The following HOXA3 variants were observed in gnomAD, a reference collection of about 807,000 sequenced individuals.
The protein encoded by HOXA3 is homeobox A3, also known as homeobox protein Hox-A3.
In HOXA3, 8 loss-of-function variants were observed where a neutral mutation model predicts 30.3. That is an observed-to-expected ratio of 0.26 (90% CI 0.15 to 0.48). HOXA3 has a LOEUF of 0.48. HOXA3 is among the 20% of genes least tolerant of loss of function. HOXA3 has a pLI of 0.99. For synonymous variants in HOXA3, 323 were observed against 273.1 expected, an observed-to-expected ratio of 1.18 and a Z score of -1.80; for missense variants, 653 against 614.4, an observed-to-expected ratio of 1.06 and a Z score of -0.66.
At chr7:27,147,144 A>G in intron 1 of HOXA3, 1 of 720,730 alleles carries the variant, frequency 1.4e-6, no homozygotes, top group South Asian at 2.0e-5. Context: ...TGATAGCCCC[A>G]TTGGGAACTG....
chr7:27,110,697 G>A lies in HOXA3; in HGVS notation c.-57C>T. 4.4e-6 allele frequency: 7 copies of A among 1,583,650 alleles called. No individual in the cohort carries two copies. The South Asian group carries it at 6.6e-5, about 15-fold the overall frequency. ...TGACAGGGGTTTGACACCCGTGAGGGCGCACATTGGCACGCCCCCGCGGTC... is the reference window on the plus strand; with the variant it reads ...TGACAGGGGTTTGACACCCGTGAGGACGCACATTGGCACGCCCCCGCGGTC... On this transcript the variant is annotated 5_prime_UTR_variant, in exon 5 of 6. Transcript: ENST00000612286.
chr7:27,145,884 C>G, intron 1 of HOXA3: 1 of 1,613,108 alleles, frequency 6.2e-7, no homozygotes, highest in Non-Finnish European at 8.5e-7. Context: ...GTAGGTCTGG[C>G]GGCCTCGGCG....
At position 27,108,428 on chromosome 7, in the gene HOXA3, G is replaced by A. The variant is rs755023869; in HGVS notation, c.819C>T (p.Ala273=). Residue 273 remains alanine (A), a synonymous_variant, in exon 6 of 6, where the codon GCC becomes GCT. Transcript: ENST00000612286. This position sits in a 1 kb window ranked among gnomAD's most constrained non-coding sequence, Gnocchi z 5.0. ...AATGCATAGAGTTCAGATAGCCACCGGCTCCGGGGGGCACGGGGCTGCGAC... is the reference window on the plus strand; with the variant it reads ...AATGCATAGAGTTCAGATAGCCACCAGCTCCGGGGGGCACGGGGCTGCGAC... ...SPSRSPVPPG[A]GGYLNSMHSL... is the part of the protein sequence containing the mutation. 1.2e-5 allele frequency: 20 copies of A among 1,613,434 alleles called. No homozygotes were observed. The highest frequency in any genetic ancestry group is 1.7e-5 in the Non-Finnish European group (20 of 1,179,748).
At chr7:27,145,482 G>C (rs1782724961) in intron 1 of HOXA3, 1 of 776,832 alleles carries the variant, frequency 1.3e-6, no homozygotes, top group Non-Finnish European at 2.0e-6. Flanking sequence ...GTTTTGTTTT[G>C]TTTTGTTTTG....
At chr7:27,145,483 T>G in intron 1 of HOXA3, 1 of 780,052 alleles carries the variant, frequency 1.3e-6, no homozygotes. Context: ...TTTTGTTTTG[T>G]TTTGTTTTGT....
At position 27,129,264 on chromosome 7, in the gene HOXA3, G is replaced by C. The variant is rs535968108; in HGVS notation, c.-389-2194C>G. On this transcript the variant is annotated intron_variant, in intron 2 of 5. Transcript: ENST00000612286. ...GAACGGGTGTGGAGGTGCTCGGGTG[G>C]GGGTGGGGATGGAGGTGTGGGCTCT... 6.8e-6 allele frequency: 11 copies of C among 1,611,534 alleles called. No individual in the cohort carries two copies. In the African/African-American group the frequency reaches 9.3e-5, roughly 14 times the overall value.
At chr7:27,111,523 G>A (rs1456771805) in intron 4 of HOXA3, among the ~76,000 whole-genome samples, 1 of 126,222 alleles carries the variant, frequency 7.9e-6, no homozygotes, top group Non-Finnish European at 1.6e-5. Flanking sequence ...TTTAGGGTGA[G>A]GGACCAACAG....
intron 3 of HOXA3, chr7:27,124,735 ATC>A (rs1395158078): frequency 2.6e-5 from 4 of 152,224 alleles, no homozygotes; most frequent in Admixed American, 6.5e-5. Flanking sequence ...CAATTTCAAT[ATC>A]TCCCTTGCAC....
chr7:27,129,303 C>T (rs1181801997), intron 2 of HOXA3: 2 of 1,613,920 alleles, frequency 1.2e-6, no homozygotes, highest in Admixed American at 1.7e-5. Flanking sequence ...TTTGTGCTTT[C>T]CCTGGTGGGC....
chr7:27,129,298 G>C lies in HOXA3; in HGVS notation c.-389-2228C>G, dbSNP rs1483746113. 2 of 1,614,028 alleles carry C rather than the reference G, an allele frequency of 1.2e-6. No individual in the cohort carries two copies. The highest frequency in any genetic ancestry group is 1.7e-6 in the Non-Finnish European group (2 of 1,180,030). ...ATGGAGGTGTGGGCTCTGAGTTTGT[G>C]CTTTCCCTGGTGGGCCGGCAGAGGC... On this transcript the variant is annotated intron_variant, in intron 2 of 5. Transcript: ENST00000612286.
At chr7:27,145,856 C>T (rs1284951422) in intron 1 of HOXA3, 23 of 1,614,142 alleles carry the variant, frequency 1.4e-5, no homozygotes, top group Non-Finnish European at 1.8e-5. Context: ...TCTCCAGCTC[C>T]AGTGTCTGGT....
chr7:27,123,853 G>A (rs181955055), intron 3 of HOXA3: 3 of 152,286 alleles, frequency 2.0e-5, no homozygotes, highest in Non-Finnish European at 2.9e-5. Flanking sequence ...CAAAGGAAAA[G>A]GACCCAGGAT....
chr7:27,131,601 A>G (rs1381033326), intron 2 of HOXA3, among the ~76,000 whole-genome samples: 1 of 152,220 alleles, frequency 6.6e-6, no homozygotes, highest in Non-Finnish European at 1.5e-5. Context: ...TGTCGATGTG[A>G]GAGCTAAATA....
chr7:27,151,677 A>C (rs1351379685), intron 1 of HOXA3: 1 of 456,556 alleles, frequency 2.2e-6, no homozygotes, highest in Non-Finnish European at 4.4e-6. Context: ...ACTCTGGCTG[A>C]ATTAGTAAGT....
chr7:27,149,461 A>G (rs141281341), intron 1 of HOXA3, among the ~76,000 whole-genome samples: 96 of 152,140 alleles, frequency 6.3e-4, no homozygotes, highest in African/African-American at 2.2e-3. Flanking sequence ...TTGCTTTTCA[A>G]TTTTTTTCCT....
chr7:27,115,701 A>G (rs1230520163), intron 4 of HOXA3: 1 of 152,292 alleles, frequency 6.6e-6, no homozygotes, highest in African/African-American at 2.4e-5. Context: ...CGCGGGGACC[A>G]GACCTGAGGA....
Position 27,110,461 on chromosome 7 carries a change from GC to G in HOXA3, c.179del (p.Gly60AlafsTer8). 5 of 1,592,148 alleles carry G rather than the reference GC, an allele frequency of 3.1e-6. No individual in the cohort carries two copies. Among genetic ancestry groups the G allele is most frequent in the East Asian group, 2.3e-5 (1 of 44,100 alleles). ...CSLQSPSSAGGHPKAHELSEA... is the reference protein window; with the variant it reads ...CSLQSPSSAGXHPKAHELSEA... ...CACTCAGTTCGTGTGCCTTGGGGTGGCCCCCGGCGCTGGAGGGAGACTGGAG... is the reference window on the plus strand; with the variant it reads ...CACTCAGTTCGTGTGCCTTGGGGTGGCCCCGGCGCTGGAGGGAGACTGGAG... On this transcript the variant is annotated frameshift_variant, in exon 5 of 6. Transcript: ENST00000612286. LOFTEE classifies it high-confidence loss of function.
At chr7:27,143,848 AG>A (rs1467987432) in intron 1 of HOXA3, among the ~76,000 whole-genome samples, 2 of 151,902 alleles carry the variant, frequency 1.3e-5, no homozygotes, top group Admixed American at 6.5e-5. Flanking sequence ...GGTGGAGGCG[AG>A]GGGGGTGGCG....
At chr7:27,148,049 G>A (rs186185489) in intron 1 of HOXA3, among the ~76,000 whole-genome samples, 1 of 152,274 alleles carries the variant, frequency 6.6e-6, no homozygotes, top group East Asian at 1.9e-4. Context: ...GAACGCCAGC[G>A]GCGGGCACGG....
Sources: gnomAD v4.1 joint callset for allele counts (sites outside exome capture counted in the v4.1 genomes callset) on GRCh38, gnomAD v4.1.1 for gene constraint, Gnocchi (gnomAD v3.1) non-coding constraint, MANE v1.5 for transcripts, NCBI Gene and HGNC (gene_info 2026-07-23, HGNC 2026-07-21) for gene names.